The following CYFIP2 variants were observed in gnomAD, a reference collection of about 807,000 sequenced individuals.
CYFIP2 encodes the protein cytoplasmic FMR1 interacting protein 2, also known as cytoplasmic FMR1-interacting protein 2.
Under a neutral mutation model 158.7 loss-of-function variants are expected in CYFIP2, and 29 were observed. The ratio of observed to expected loss-of-function variants is 0.18; its 90% CI spans 0.14 to 0.25. The LOEUF is 0.25. Among genes scored for constraint, CYFIP2 ranks in the 10% least tolerant of loss-of-function variants. The pLI is 1.00. For synonymous variants in CYFIP2, 585 were observed against 617.6 expected (o/e 0.95, Z 0.78); for missense variants, 852 against 1,639.5 (o/e 0.52, Z 8.29).
chr5:157,281,264 T>C (rs916469334), intron 1 of CYFIP2, among the ~76,000 whole-genome samples: 6 of 152,226 alleles, frequency 3.9e-5, no homozygotes, highest in Non-Finnish European at 7.3e-5. Context: ...ACATAATATC[T>C]GATTGTCTTT....
chr5:157,309,911 C>A, intron 10 of CYFIP2, 77 bp downstream of exon 10: 1 of 1,329,792 alleles, frequency 7.5e-7, no homozygotes, highest in Non-Finnish European at 1.1e-6. Flanking sequence ...GCCACTTCAG[C>A]CCCTCCTCCC....
Position 157,319,911 on chromosome 5 carries a change from G to C in CYFIP2, c.1506G>C (p.Lys502Asn). Residue 502 changes from lysine (K) to asparagine (N), a missense_variant, in exon 14 of 31, where the codon AAG becomes AAC. By Grantham distance (94) the Lys-to-Asn change is moderately conservative. Transcript: ENST00000620254. ...CCCTGCGGCAGGCGGTACGGAAGAA[G>C]AAGAATGTCCTCATCAGGTGGGTTT... ...REPLRQAVRK[K>N]KNVLISVLQA... 4 of 1,614,060 alleles carry C rather than the reference G, an allele frequency of 2.5e-6. No homozygotes were observed. The highest frequency in any genetic ancestry group is 3.4e-6 in the Non-Finnish European group (4 of 1,179,886).
intron 23 of CYFIP2, among the ~76,000 whole-genome samples, chr5:157,358,480 G>C (rs186318232): frequency 6.6e-6 from 1 of 152,330 alleles, no homozygotes; most frequent in Non-Finnish European, 1.5e-5. Flanking sequence ...GTAGGTGGTT[G>C]TCCCATGCAC....
chr5:157,343,546 G>A (rs1320969390), intron 23 of CYFIP2: 2 of 1,540,160 alleles, frequency 1.3e-6, no homozygotes, highest in Non-Finnish European at 1.8e-6. Flanking sequence ...TCCCGATTCT[G>A]GAACCAGAAT....
intron 5 of CYFIP2, among the ~76,000 whole-genome samples, chr5:157,298,874 A>G (rs758205641): frequency 2.6e-5 from 4 of 152,200 alleles, no homozygotes; most frequent in Non-Finnish European, 4.4e-5. Flanking sequence ...TTTAAAGCTC[A>G]TCCATGTTAC....
chr5:157,371,180 G>A (rs1396418025), intron 26 of CYFIP2, among the ~76,000 whole-genome samples: 1 of 152,104 alleles, frequency 6.6e-6, no homozygotes, highest in African/African-American at 2.4e-5. Flanking sequence ...TATCCTCGGG[G>A]CTTAACATCA....
intron 26 of CYFIP2, chr5:157,376,286 A>G (rs988816236): frequency 3.9e-5 from 6 of 152,088 alleles, no homozygotes; most frequent in East Asian, 3.9e-4. Flanking sequence ...ATTGCACCCA[A>G]TTGATTCTGT....
intron 25 of CYFIP2, among the ~76,000 whole-genome samples, chr5:157,360,627 G>C (rs1233496238): frequency 6.6e-6 from 1 of 152,192 alleles, no homozygotes; most frequent in African/African-American, 2.4e-5. Context: ...GCAAATGTAA[G>C]CATGTTTAAA....
chr5:157,371,053 C>T (rs1266687911), intron 26 of CYFIP2, among the ~76,000 whole-genome samples: 1 of 152,190 alleles, frequency 6.6e-6, no homozygotes, highest in Non-Finnish European at 1.5e-5. Flanking sequence ...TTGGGCTTTC[C>T]ACTGCACCTG....
chr5:157,382,477 C>T, intron 26 of CYFIP2, 113 bp from the exon 27 acceptor site: 1 of 1,078,822 alleles, frequency 9.3e-7, no homozygotes, highest in Non-Finnish European at 1.4e-6. Context: ...AGTAGAAGAG[C>T]CAGGATTTGA....
At chr5:157,331,011 C>T (rs1761415918) in intron 20 of CYFIP2, among the ~76,000 whole-genome samples, 161 bp downstream of exon 20, 1 of 152,282 alleles carries the variant, frequency 6.6e-6, no homozygotes, top group East Asian at 1.9e-4. Flanking sequence ...ATCTCATAAA[C>T]AATAAAGAGG....
At chr5:157,340,974 C>T (rs1230855981) in intron 22 of CYFIP2, 96 bp from the exon 23 acceptor site, 1 of 1,172,394 alleles carries the variant, frequency 8.5e-7, no homozygotes, top group Non-Finnish European at 1.3e-6. Flanking sequence ...CCAGTGCAAA[C>T]CTTCACCTGG....
At chr5:157,318,684 C>T (rs1760347109) in intron 13 of CYFIP2, among the ~76,000 whole-genome samples, 1 of 152,186 alleles carries the variant, frequency 6.6e-6, no homozygotes, top group African/African-American at 2.4e-5. Flanking sequence ...GTCTGCCCAC[C>T]ATGGACCCAG....
At position 157,361,335 on chromosome 5, in the gene CYFIP2, A is replaced by G. The variant is rs192820230; in HGVS notation, c.2909-133A>G. The G allele has an allele frequency of 5.7e-4, 614 of 1,068,982 alleles. 4 individuals carry two copies. In the African/African-American group the frequency reaches 8.9e-3, roughly 15 times the overall value. The allele number at this position is 1,068,982 out of a possible 1,614,324, so 66.2% of individuals were successfully genotyped here. ...GAAAGAAATCTCACTCTGGGCCTGC[A>G]GGTAAGAGGGATGCGTGGTTTGGCT... On this transcript the variant is annotated intron_variant, in intron 25 of 30. Transcript: ENST00000620254. This position sits in a 1 kb window ranked among gnomAD's most constrained non-coding sequence, Gnocchi z 4.4.
At chr5:157,330,049 G>A (rs1761322098) in intron 19 of CYFIP2, among the ~76,000 whole-genome samples, 2 of 152,340 alleles carry the variant, frequency 1.3e-5, no homozygotes, top group African/African-American at 4.8e-5. Flanking sequence ...GTAAATGATA[G>A]TGTTCCCTTA....
intron 9 of CYFIP2, among the ~76,000 whole-genome samples, chr5:157,308,262 G>A (rs1339673891): frequency 1.3e-5 from 2 of 151,842 alleles, no homozygotes; most frequent in African/African-American, 4.8e-5. Context: ...GCTCGCAGAA[G>A]TAGAATGATT....
intron 1 of CYFIP2, among the ~76,000 whole-genome samples, chr5:157,274,584 T>C (rs1050440020): frequency 1.3e-5 from 2 of 152,240 alleles, no homozygotes; most frequent in Non-Finnish European, 2.9e-5. Flanking sequence ...CTTGGGTGTA[T>C]GCCTAGGAGT....
At chr5:157,390,298 CAAATGT>C (rs1370293739) in intron 29 of CYFIP2, among the ~76,000 whole-genome samples, 1 of 151,380 alleles carries the variant, frequency 6.6e-6, no homozygotes, top group Non-Finnish European at 1.5e-5. Context: ...ATTAGTGATG[CAAATGT>C]AATTTGTGGC....
intron 4 of CYFIP2, among the ~76,000 whole-genome samples, chr5:157,295,540 A>C (rs1008309308): frequency 2.0e-5 from 3 of 152,210 alleles, no homozygotes; most frequent in African/African-American, 7.2e-5. Context: ...GCATCCTTTC[A>C]GATTTTCTAT....
Sources: gnomAD v4.1 joint callset for allele counts (sites outside exome capture counted in the v4.1 genomes callset) on GRCh38, gnomAD v4.1.1 for gene constraint, Gnocchi (gnomAD v3.1) non-coding constraint, MANE v1.5 for transcripts, NCBI Gene and HGNC (gene_info 2026-07-23, HGNC 2026-07-21) for gene names.